Variants in PLGRKT observed in about 807,000 individuals in gnomAD.
The protein encoded by PLGRKT is plasminogen receptor (KT).
PLGRKT carries 22 observed loss-of-function variants against 18.5 expected under a neutral mutation model. The observed-to-expected ratio is 1.19, with a 90% CI of 0.85 to 1.70. PLGRKT has a LOEUF of 1.70. Among genes scored for constraint, PLGRKT ranks in the 40% most tolerant of loss-of-function variants. The pLI, the probability that PLGRKT is intolerant of heterozygous loss-of-function variation, is 0.00. For missense variants in PLGRKT, 235 were observed against 174.4 expected, an observed-to-expected ratio of 1.35 and a Z score of -1.96; for synonymous variants, 72 against 52.8, an observed-to-expected ratio of 1.36 and a Z score of -1.58.
At chr9:5,384,815 T>C (rs182879540) in intron 3 of PLGRKT, among the ~76,000 whole-genome samples, 8 of 152,250 alleles carry the variant, frequency 5.3e-5, no homozygotes, top group Non-Finnish European at 7.4e-5. Flanking sequence ...GAACCCAGCA[T>C]AGCCCCTCAC....
chr9:5,382,569 G>A (rs956509493), intron 3 of PLGRKT, among the ~76,000 whole-genome samples: 1 of 152,302 alleles, frequency 6.6e-6, no homozygotes, highest in African/African-American at 2.4e-5. Flanking sequence ...GGAAAGAGTC[G>A]ACTGAGGTAA....
At position 5,384,280 on chromosome 9, in the gene PLGRKT, G is replaced by A. The variant is rs547535289; in HGVS notation, c.82-22392C>T. On this transcript the variant is annotated intron_variant, in intron 3 of 5. Coordinates refer to ENST00000223864, the MANE Select transcript of PLGRKT (RefSeq NM_018465.4). ...GGAAACTGAGAAGGAAATGAAAAAC[G>A]GTCAGGGGATCAGAACAGAACAAGA... 7.2e-4 allele frequency among the ~76,000 whole-genome samples: 109 copies of A among 152,190 alleles called. 1 individual carries two copies. Among genetic ancestry groups the A allele is most frequent in the African/African-American group, 2.4e-3 (99 of 41,456 alleles).
At chr9:5,405,782 T>C (rs148990971) in intron 3 of PLGRKT, among the ~76,000 whole-genome samples, 363 of 152,288 alleles carry the variant, frequency 2.4e-3, no homozygotes, top group African/African-American at 8.4e-3. Context: ...CTAAAGAGCT[T>C]CTGCACAGCA....
intron 3 of PLGRKT, among the ~76,000 whole-genome samples, chr9:5,407,284 A>G (rs1818275329): frequency 6.6e-6 from 1 of 152,226 alleles, no homozygotes; most frequent in African/African-American, 2.4e-5. Context: ...ATTTGTCTTC[A>G]GTAAATATAC....
intron 3 of PLGRKT, among the ~76,000 whole-genome samples, chr9:5,377,688 G>C (rs1817656738): frequency 6.6e-6 from 1 of 152,250 alleles, no homozygotes; most frequent in African/African-American, 2.4e-5. Context: ...AAGAATGCCG[G>C]AGAAGCTCCA....
rs1266445563 is a variant in PLGRKT at position 5,418,941 on chromosome 9, T to G, written c.81+12956A>C. On this transcript the variant is annotated intron_variant, in intron 3 of 5. Transcript: ENST00000223864. The surrounding 1 kb of genome is among the most constrained non-coding windows in gnomAD (Gnocchi z 4.2). Reference sequence around the variant, plus strand: ...GGGGCTGCAGTAATTAAAACAGATCTGACATTCTAGCAGAGTCCTGGGACA... The same window carrying G: ...GGGGCTGCAGTAATTAAAACAGATCGGACATTCTAGCAGAGTCCTGGGACA... 6 of 777,238 alleles carry G rather than the reference T, an allele frequency of 7.7e-6. No individual in the cohort carries two copies. The highest frequency in any genetic ancestry group is 1.7e-5 in the African/African-American group (1 of 57,334). 48.1% of individuals were successfully genotyped at this position (777,238 alleles called of 1,614,324 possible).
At chr9:5,361,022 T>C (rs1457751155) in intron 5 of PLGRKT, 56 bp downstream of exon 5, 9 of 917,958 alleles carry the variant, frequency 9.8e-6, no homozygotes, top group Non-Finnish European at 1.6e-5. Flanking sequence ...AAGGCAGGGA[T>C]CCTTGAAATG....
intron 3 of PLGRKT, among the ~76,000 whole-genome samples, chr9:5,363,158 G>C (rs920112392): frequency 3.9e-5 from 6 of 152,002 alleles, no homozygotes; most frequent in South Asian, 2.1e-4. Context: ...ACATAAGCCA[G>C]TGGCTGGGTG....
chr9:5,381,154 T>A (rs1448089823), intron 3 of PLGRKT, among the ~76,000 whole-genome samples: 1 of 152,216 alleles, frequency 6.6e-6, no homozygotes, highest in Non-Finnish European at 1.5e-5. Flanking sequence ...AACAGACTAA[T>A]ACAGAAAATT....
chr9:5,382,676 A>G (rs887649948), intron 3 of PLGRKT, among the ~76,000 whole-genome samples: 2 of 152,234 alleles, frequency 1.3e-5, no homozygotes, highest in African/African-American at 4.8e-5. Flanking sequence ...GAACAGTGAC[A>G]TGATCAGATT....
intron 3 of PLGRKT, among the ~76,000 whole-genome samples, chr9:5,365,211 T>C (rs1817359417): frequency 1.3e-5 from 2 of 152,116 alleles, no homozygotes; most frequent in African/African-American, 4.8e-5. Flanking sequence ...CAGAATCTTA[T>C]AGTGCCAGAA....
intron 3 of PLGRKT, among the ~76,000 whole-genome samples, chr9:5,422,502 A>G (rs1022529073): frequency 6.6e-6 from 1 of 152,142 alleles, no homozygotes. Context: ...ACAAATAAAT[A>G]GTACGACAAG....
In PLGRKT at chr9:5,385,804, T is replaced by G. The variant is rs374725638; in HGVS notation, c.82-23916A>C. Among the ~76,000 whole-genome samples, 134 of 152,004 alleles carry G rather than the reference T, an allele frequency of 8.8e-4. 1 individual carries two copies. The South Asian group carries it at 0.027, about 31-fold the overall frequency. ...GCCTTTCGAGCAAAGACACTGACAG[T>G]GTTTCCTCCAGAATATATTTCCTAG... On this transcript the variant is annotated intron_variant, in intron 3 of 5. Transcript: ENST00000223864.
chr9:5,381,177 T>C (rs1817737147), intron 3 of PLGRKT, among the ~76,000 whole-genome samples: 1 of 152,224 alleles, frequency 6.6e-6, no homozygotes, highest in African/African-American at 2.4e-5. Flanking sequence ...TAGTGGGAGT[T>C]TGGAGCCAAA....
intron 2 of PLGRKT, among the ~76,000 whole-genome samples, chr9:5,435,766 AC>A (rs1243415182): frequency 6.6e-6 from 1 of 152,188 alleles, no homozygotes; most frequent in Non-Finnish European, 1.5e-5. Flanking sequence ...TGTTGCTGAT[AC>A]CTTTTCTCTT....
At chr9:5,396,764 G>C (rs1226974004) in intron 3 of PLGRKT, among the ~76,000 whole-genome samples, 2 of 151,966 alleles carry the variant, frequency 1.3e-5, no homozygotes, top group East Asian at 1.9e-4. Flanking sequence ...GTCTGTGCTG[G>C]AAGACTGGGT....
chr9:5,381,450 C>T (rs1817744480), intron 3 of PLGRKT, among the ~76,000 whole-genome samples: 2 of 152,220 alleles, frequency 1.3e-5, no homozygotes, highest in African/African-American at 4.8e-5. Context: ...ACAGCTTCCA[C>T]GTGGTGTTGA....
intron 3 of PLGRKT, among the ~76,000 whole-genome samples, chr9:5,370,062 C>T (rs978794223): frequency 3.3e-5 from 5 of 151,398 alleles, no homozygotes; most frequent in African/African-American, 4.9e-5. Context: ...ACATGTATCC[C>T]GGAATTTAAA....
chr9:5,367,030 TACACACAC>T (rs56259718), intron 3 of PLGRKT, among the ~76,000 whole-genome samples: 15 of 112,408 alleles, frequency 1.3e-4, no homozygotes, highest in African/African-American at 4.6e-4. Context: ...TACACACACA[TACACACAC>T]ACACACACAC....
Sources: allele counts gnomAD v4.1 joint callset (sites outside exome capture counted in the v4.1 genomes callset), GRCh38; gene constraint gnomAD v4.1.1; non-coding constraint Gnocchi (gnomAD v3.1); transcripts MANE v1.5; gene names NCBI Gene and HGNC (gene_info 2026-07-23, HGNC 2026-07-21).